Variants in SMPD3 observed in about 807,000 individuals in gnomAD.
SMPD3 encodes the protein sphingomyelin phosphodiesterase 3.
Under a neutral mutation model 55.7 loss-of-function variants are expected in SMPD3, and 21 were observed. The observed-to-expected ratio is 0.38, with a 90% CI of 0.27 to 0.54. The LOEUF is 0.54. Among genes scored for constraint, SMPD3 ranks in the 20% least tolerant of loss-of-function variants. The pLI, the probability that SMPD3 is intolerant of heterozygous loss-of-function variation, is 0.80. For missense variants in SMPD3, 842 were observed against 899.6 expected (o/e 0.94, Z 0.82); for synonymous variants, 457 against 404.3 (o/e 1.13, Z -1.56).
chr16:68,363,753 C>G (rs779172191), intron 6 of SMPD3, 24 bp downstream of exon 6: 16 of 1,550,292 alleles, frequency 1.0e-5, no homozygotes, highest in Non-Finnish European at 1.4e-5. Context: ...CAGCTCCCAT[C>G]CTCCTCCCCC....
intron 2 of SMPD3, among the ~76,000 whole-genome samples, chr16:68,377,544 C>T (rs1160086475): frequency 1.3e-5 from 2 of 152,210 alleles, no homozygotes; most frequent in African/African-American, 4.8e-5. Flanking sequence ...TGCTCAGAGG[C>T]CTGCACTGAG....
chr16:68,375,934 T>C (rs1007847739), intron 2 of SMPD3, among the ~76,000 whole-genome samples: 3 of 152,076 alleles, frequency 2.0e-5, no homozygotes, highest in African/African-American at 4.8e-5. Flanking sequence ...CCCCCGTCCA[T>C]AGCCCCTCGC....
chr16:68,425,036 T>C (rs1323642342), intron 1 of SMPD3, among the ~76,000 whole-genome samples: 2 of 152,154 alleles, frequency 1.3e-5, no homozygotes, highest in Non-Finnish European at 2.9e-5. Context: ...AAGAATGTTC[T>C]TAAGAAAACA....
At chr16:68,393,853 C>G (rs1038447261) in intron 1 of SMPD3, among the ~76,000 whole-genome samples, 6 of 152,184 alleles carry the variant, frequency 3.9e-5, no homozygotes, top group Admixed American at 2.0e-4. Flanking sequence ...CTTTCCCCTA[C>G]TTGCAGAGAA....
chr16:68,429,068 C>T (rs150622137), intron 1 of SMPD3, among the ~76,000 whole-genome samples: 47 of 152,306 alleles, frequency 3.1e-4, no homozygotes, highest in African/African-American at 7.7e-4. Context: ...GGCAGACATG[C>T]GCTATGGGCT....
chr16:68,372,110 G>C lies in SMPD3; in HGVS notation c.72C>G (p.Ile24Met), dbSNP rs147611484. The C allele has an allele frequency of 1.2e-6, 2 of 1,612,742 alleles. No individual in the cohort carries two copies. Among genetic ancestry groups the C allele is most frequent in the Non-Finnish European group, 1.7e-6 (2 of 1,179,568 alleles). ...GGTCCACCAGCCAGTAGCATGGAAA[G>C]ATAAGGGCCCAGGACACACAGTGCA... ...SALHCVSWAL[I>M]FPCYWLVDRL... is the part of the protein sequence containing the mutation. The change falls in exon 3 of 9, where the codon ATC becomes ATG. Residue 24 changes from isoleucine to methionine, a missense_variant. This residue lies in a region of SMPD3 where 193 missense variants were observed against 256.0 expected (regional missense o/e 0.75). Transcript: ENST00000219334.
intron 2 of SMPD3, among the ~76,000 whole-genome samples, chr16:68,377,390 G>C (rs986814462): frequency 6.6e-6 from 1 of 152,238 alleles, no homozygotes; most frequent in Non-Finnish European, 1.5e-5. Flanking sequence ...CTCCTGGTGG[G>C]TGTGTGGCAT....
At position 68,361,725 on chromosome 16, in the gene SMPD3, G is replaced by A. The variant is rs773464159; in HGVS notation, c.1744C>T (p.Leu582=). 4 of 1,613,040 alleles carry A rather than the reference G, an allele frequency of 2.5e-6. No homozygotes were observed. In the South Asian group the frequency reaches 4.4e-5, roughly 18 times the overall value. The change falls in exon 8 of 9, where the codon CTG becomes TTG. Residue 582 remains leucine, a synonymous_variant. Transcript: ENST00000219334. ...LESEEGRREY[L]AFPTSKSSGQ... ...GAGCTCTTGCTGGTGGGAAACGCCAGGTACTCCCTGCGGCCCTCCTCACTC... is the reference window on the plus strand; with the variant it reads ...GAGCTCTTGCTGGTGGGAAACGCCAAGTACTCCCTGCGGCCCTCCTCACTC...
chr16:68,372,129 C>A lies in SMPD3; in HGVS notation c.53G>T (p.Cys18Phe). The A allele has an allele frequency of 6.2e-7, 1 of 1,612,836 alleles. No individual in the cohort carries two copies. The highest frequency in any genetic ancestry group is 8.5e-7 in the Non-Finnish European group (1 of 1,179,582). The part of the protein sequence containing the change: ...FPNSCLSALH[C>F]VSWALIFPCY... ...TGGAAAGATAAGGGCCCAGGACACA[C>A]AGTGCAGGGCGGACAGACAGCTGTT... The change falls in exon 3 of 9, where the codon TGT (cysteine) becomes TTT (phenylalanine). Residue 18 changes from cysteine to phenylalanine, a missense_variant. Physicochemically the swap from Cys to Phe is radical, Grantham distance 205. Around this residue, in one of 2 missense-constraint regions of SMPD3, gnomAD observed 193 missense variants for 256.0 expected, o/e 0.75. Transcript: ENST00000219334.
intron 2 of SMPD3, among the ~76,000 whole-genome samples, chr16:68,377,113 T>C (rs927651774): frequency 1.3e-5 from 2 of 152,182 alleles, no homozygotes; most frequent in Admixed American, 6.5e-5. Context: ...ATCCTGACTG[T>C]CCCAGAGCGC....
Position 68,363,634 on chromosome 16 carries a change from G to T in SMPD3, c.1646-75C>A, listed in dbSNP as rs973622989. The T allele has an allele frequency of 2.4e-4, 355 of 1,478,284 alleles. 1 individual carries two copies. The highest frequency in any genetic ancestry group is 6.3e-4 in the Admixed American group (36 of 57,530). 91.6% of individuals were successfully genotyped at this position (1,478,284 alleles called of 1,614,324 possible). A position where few individuals can be genotyped will look rare whatever the true frequency, so the allele number is the denominator to read the frequency against. On this transcript the variant is annotated intron_variant, in intron 6 of 8. Coordinates refer to ENST00000219334, the MANE Select transcript of SMPD3 (RefSeq NM_018667.4). The stretch of plus-strand genomic sequence containing the variant: ...AGCCTCTAGGGGGTGGCCTCTGTGG[G>T]TGGACACGGGCTTCTGCTAGCCAGG...
intron 8 of SMPD3, 133 bp from the exon 9 acceptor site, chr16:68,361,440 G>GGGGCCTGGA (rs1040336960): frequency 1.5e-5 from 20 of 1,350,684 alleles, no homozygotes; most frequent in Non-Finnish European, 3.1e-6. Context: ...TCAGAGGGAT[G>GGGGCCTGGA]GGGCCTGGAG....
At chr16:68,363,287 G>A (rs2089369937) in intron 7 of SMPD3, among the ~76,000 whole-genome samples, 1 of 152,182 alleles carries the variant, frequency 6.6e-6, no homozygotes, top group African/African-American at 2.4e-5. Context: ...AGCAAGGCCA[G>A]TACCCCTGGG....
intron 1 of SMPD3, among the ~76,000 whole-genome samples, chr16:68,431,282 T>C (rs1226630418): frequency 6.6e-6 from 1 of 152,218 alleles, no homozygotes; most frequent in Admixed American, 6.5e-5. Flanking sequence ...TAGACATTAG[T>C]GCATGCCCTT....
chr16:68,368,884 A>G (rs972261585), intron 3 of SMPD3: 1 of 152,108 alleles, frequency 6.6e-6, no homozygotes, highest in Non-Finnish European at 1.5e-5. Context: ...TGCTGAGAGA[A>G]CCTGCAAACC....
At chr16:68,380,419 A>G (rs1185343733) in intron 2 of SMPD3, among the ~76,000 whole-genome samples, 1 of 152,240 alleles carries the variant, frequency 6.6e-6, no homozygotes, top group Non-Finnish European at 1.5e-5. Context: ...GCCACAGCTG[A>G]GCATCTAGCC....
intron 1 of SMPD3, among the ~76,000 whole-genome samples, chr16:68,398,744 C>G (rs183525886): frequency 1.3e-5 from 2 of 152,122 alleles, no homozygotes; most frequent in African/African-American, 4.8e-5. Context: ...TCTCCATGTT[C>G]CCAAGTTTAG....
intron 1 of SMPD3, among the ~76,000 whole-genome samples, chr16:68,434,345 G>A (rs2090503746): frequency 6.6e-6 from 1 of 152,200 alleles, no homozygotes; most frequent in Admixed American, 6.5e-5. Context: ...AAAGTACTGA[G>A]TGTACAAATG....
At chr16:68,413,625 G>A (rs1477378458) in intron 1 of SMPD3, among the ~76,000 whole-genome samples, 1 of 152,158 alleles carries the variant, frequency 6.6e-6, no homozygotes, top group Non-Finnish European at 1.5e-5. Context: ...AGAACTCCAG[G>A]CTAGTCATGA....
Sources: allele counts gnomAD v4.1 joint callset (sites outside exome capture counted in the v4.1 genomes callset), GRCh38; gene constraint gnomAD v4.1.1; regional missense constraint gnomAD v4.1.1; transcripts MANE v1.5; gene names NCBI Gene and HGNC (gene_info 2026-07-23, HGNC 2026-07-21).